Variants in TNRC6B observed in about 807,000 individuals in gnomAD.
TNRC6B encodes trinucleotide repeat containing adaptor 6B, also known as trinucleotide repeat-containing gene 6B protein.
Under a neutral mutation model 203.6 loss-of-function variants are expected in TNRC6B, and 52 were observed. The ratio of observed to expected loss-of-function variants is 0.26; its 90% CI spans 0.20 to 0.32. TNRC6B has a LOEUF of 0.32. TNRC6B is among the 10% of genes least tolerant of loss of function. TNRC6B has a pLI of 1.00. For missense variants in TNRC6B, 1,923 were observed against 2,286.2 expected (o/e 0.84, Z 3.24); for synonymous variants, 838 against 845.7 (o/e 0.99, Z 0.16).
chr22:40,099,895 C>T (rs968912205), intron 1 of TNRC6B, among the ~76,000 whole-genome samples: 9 of 151,898 alleles, frequency 5.9e-5, no homozygotes, highest in South Asian at 2.1e-4. Flanking sequence ...GGACTACAGG[C>T]GCCCGCCACC....
chr22:40,052,096 C>A (rs1441314861), intron 1 of TNRC6B, among the ~76,000 whole-genome samples: 3 of 152,170 alleles, frequency 2.0e-5, no homozygotes, highest in African/African-American at 7.2e-5. Context: ...CTACTATTCC[C>A]CTCACCTAGA....
intron 1 of TNRC6B, among the ~76,000 whole-genome samples, chr22:40,197,539 G>A (rs1412351798): frequency 3.3e-5 from 5 of 151,462 alleles, no homozygotes; most frequent in African/African-American, 4.8e-5. Context: ...TACCCCCCTC[G>A]GCCTCCCAAA....
intron 4 of TNRC6B, among the ~76,000 whole-genome samples, chr22:40,171,714 G>A (rs2069001403): frequency 6.6e-6 from 1 of 152,104 alleles, no homozygotes; most frequent in Non-Finnish European, 1.5e-5. Flanking sequence ...TATTCCAAAA[G>A]TGAAATATTT....
intron 1 of TNRC6B, among the ~76,000 whole-genome samples, chr22:40,187,222 T>G (rs2069215864): frequency 6.6e-6 from 1 of 152,198 alleles, no homozygotes; most frequent in South Asian, 2.1e-4. Flanking sequence ...GGATGTGCAC[T>G]CTGAAAATAC....
intron 21 of TNRC6B, among the ~76,000 whole-genome samples, chr22:40,320,596 T>G (rs2071322304): frequency 6.6e-6 from 1 of 152,218 alleles, no homozygotes; most frequent in Non-Finnish European, 1.5e-5. Context: ...TCTTAAGTGG[T>G]GAAAGTCTAA....
rs183799782 is a variant in TNRC6B at position 40,260,594 on chromosome 22, A to T, written c.116-1238A>T. Among the ~76,000 whole-genome samples, 3 of 152,322 alleles carry T rather than the reference A, an allele frequency of 2.0e-5. No homozygotes were observed. The East Asian group carries it at 5.8e-4, about 29-fold the overall frequency. ...AGCACTTAGGAAGAATGTTTAGCCCATCTAGGCCAGGGGCTTCAATAAAGT... is the reference window on the plus strand; with the variant it reads ...AGCACTTAGGAAGAATGTTTAGCCCTTCTAGGCCAGGGGCTTCAATAAAGT... On this transcript the variant is annotated intron_variant, in intron 3 of 22. Coordinates refer to ENST00000454349, the MANE Select transcript of TNRC6B (RefSeq NM_001162501.2).
At chr22:40,255,404 C>T (rs1372156765) in intron 3 of TNRC6B, among the ~76,000 whole-genome samples, 2 of 152,298 alleles carry the variant, frequency 1.3e-5, no homozygotes, top group Non-Finnish European at 2.9e-5. Context: ...AGGCATAGTA[C>T]AGTGAGTACA....
In TNRC6B at chr22:40,312,660, G is replaced by A. The variant is rs748159355; in HGVS notation, c.4582+9G>A. 8.7e-6 allele frequency: 14 copies of A among 1,607,096 alleles called. No individual in the cohort carries two copies. In the East Asian group the frequency reaches 2.7e-4, roughly 31 times the overall value. ...GCGGGATAACACCACAGGTACTTGA[G>A]CAAAGCATCTCTTATATGTTCAACA... is the stretch of plus-strand genomic sequence containing the variant. On this transcript the variant is annotated intron_variant, in intron 18 of 22. Coordinates refer to ENST00000454349, the MANE Select transcript of TNRC6B (RefSeq NM_001162501.2).
At chr22:40,308,452 G>A in intron 15 of TNRC6B, 60 bp from the exon 16 acceptor site, 1 of 1,602,894 alleles carries the variant, frequency 6.2e-7, no homozygotes, top group South Asian at 1.1e-5. Flanking sequence ...CCTGGACTCT[G>A]CTTCAGAACT....
intron 1 of TNRC6B, among the ~76,000 whole-genome samples, chr22:40,241,418 T>C (rs1385582129): frequency 6.6e-6 from 1 of 152,242 alleles, no homozygotes; most frequent in East Asian, 1.9e-4. Context: ...GTTAGGTCTT[T>C]GCAGTCTCCT....
intron 12 of TNRC6B, among the ~76,000 whole-genome samples, chr22:40,293,219 A>G (rs1350020775): frequency 3.5e-4 from 30 of 86,176 alleles, no homozygotes; most frequent in African/African-American, 1.1e-3. Context: ...TTTTTGAGGC[A>G]GAGTCTCCCT....
rs541464590 is a variant in TNRC6B, at chr22:40,324,164, T to G, written c.*923T>G. The stretch of plus-strand genomic sequence containing the variant: ...ATGAAAGCAGGGAGCTCCTTTCCAT[T>G]TGCAACTTAGCCTGAATGTGGGGTT... On this transcript the variant is annotated 3_prime_UTR_variant, in exon 23 of 23. Coordinates refer to ENST00000454349, the MANE Select transcript of TNRC6B (RefSeq NM_001162501.2). The G allele has an allele frequency of 4.6e-5, 7 of 152,776 alleles. No homozygotes were observed. Among genetic ancestry groups the G allele is most frequent in the African/African-American group, 1.7e-4 (7 of 41,588 alleles). The allele number at this position is 152,776 out of a possible 1,614,324, so 9.5% of individuals were successfully genotyped here.
rs2068874704 is a variant in TNRC6B, at chr22:40,161,929, T to TA, written c.113+5753dup. Reference sequence around the variant, plus strand: ...TAAATATTAAAACTATGACAGCTTTTAAAAAAGCAGCTAAGCAGGTACTTG... The same window carrying TA: ...TAAATATTAAAACTATGACAGCTTTTAAAAAAAGCAGCTAAGCAGGTACTTG... On this transcript the variant is annotated intron_variant, in intron 4 of 23. Transcript: ENST00000301923. Among the ~76,000 whole-genome samples, 3 of 152,312 alleles carry TA rather than the reference T, an allele frequency of 2.0e-5. No homozygotes were observed. In the South Asian group the frequency reaches 6.2e-4, roughly 32 times the overall value.
intron 7 of TNRC6B, among the ~76,000 whole-genome samples, chr22:40,276,561 A>G (rs1284440423): frequency 6.6e-6 from 1 of 152,288 alleles, no homozygotes; most frequent in Non-Finnish European, 1.5e-5. Context: ...GAGATCAGCA[A>G]TGGTGTCTTC....
chr22:40,290,475 G>A (rs947186707), intron 12 of TNRC6B, among the ~76,000 whole-genome samples: 4 of 152,202 alleles, frequency 2.6e-5, no homozygotes, highest in Non-Finnish European at 4.4e-5. Context: ...CACAAGTACA[G>A]GTCACTGTCC....
chr22:40,147,071 A>G (rs1294728895), intron 3 of TNRC6B, among the ~76,000 whole-genome samples: 1 of 152,252 alleles, frequency 6.6e-6, no homozygotes, highest in Non-Finnish European at 1.5e-5. Flanking sequence ...GTGAATGGAT[A>G]AACAAAATGT....
rs147839467 is a variant in TNRC6B at position 40,198,907 on chromosome 22, A to G, written c.5+20767A>G. On this transcript the variant is annotated intron_variant, in intron 1 of 22. Transcript: ENST00000454349. ...GTATTCCAATAGCAGTGAGTGTATC[A>G]GGTTTCTAGATCTTGGCTTCTATAT... Among the ~76,000 whole-genome samples the G allele has an allele frequency of 1.4e-3, 217 of 152,188 alleles. 2 individuals carry two copies. The highest frequency in any genetic ancestry group is 2.5e-3 in the Non-Finnish European group (167 of 67,972).
At chr22:40,208,074 G>T (rs76730450) in intron 1 of TNRC6B, among the ~76,000 whole-genome samples, 1 of 143,610 alleles carries the variant, frequency 7.0e-6, no homozygotes, top group Admixed American at 7.7e-5. Flanking sequence ...AGATGCGCCC[G>T]TCTCTCCAGC....
intron 3 of TNRC6B, among the ~76,000 whole-genome samples, chr22:40,256,962 C>CA (rs2070288905): frequency 6.6e-6 from 1 of 152,058 alleles, no homozygotes; most frequent in Non-Finnish European, 1.5e-5. Flanking sequence ...ATGTTCAAGG[C>CA]AAAAGCCAGT....
Sources: allele counts gnomAD v4.1 joint callset (sites outside exome capture counted in the v4.1 genomes callset), GRCh38; gene constraint gnomAD v4.1.1; transcripts MANE v1.5; gene names NCBI Gene and HGNC (gene_info 2026-07-23, HGNC 2026-07-21).